Variants in ANXA2 observed in about 807,000 individuals in gnomAD.
ANXA2 encodes the protein annexin II.
In ANXA2, 28 loss-of-function variants were observed where a neutral mutation model predicts 47.3. The ratio of observed to expected loss-of-function variants is 0.59; its 90% CI spans 0.44 to 0.81. ANXA2 has a LOEUF of 0.81. Ranked by LOEUF, ANXA2 falls within the 40% of genes least tolerant of loss-of-function variation. ANXA2 has a pLI of 0.00. For missense variants in ANXA2, 384 were observed against 414.3 expected, an observed-to-expected ratio of 0.93 and a Z score of 0.64; for synonymous variants, 172 against 155.5, an observed-to-expected ratio of 1.11 and a Z score of -0.79.
chr15:60,382,548 C>T lies in ANXA2; in HGVS notation c.49-107G>A, dbSNP rs142107939. Reference sequence around the variant, plus strand: ...TATTGTTTCTTTTAACAATTCAGATCATTCTCATACTAGGTAACTAGGTAG... The same window carrying T: ...TATTGTTTCTTTTAACAATTCAGATTATTCTCATACTAGGTAACTAGGTAG... On this transcript the variant is annotated intron_variant, in intron 2 of 12. Transcript: ENST00000451270. The T allele has an allele frequency of 6.9e-4, 511 of 745,706 alleles. No individual in the cohort carries two copies. The African/African-American group carries it at 7.4e-3, about 11-fold the overall frequency. The allele number at this position is 745,706 out of a possible 1,614,324, so 46.2% of individuals were successfully genotyped here.
At chr15:60,382,047 G>C (rs1566946330) in intron 3 of ANXA2, among the ~76,000 whole-genome samples, 1 of 121,950 alleles carries the variant, frequency 8.2e-6, no homozygotes, top group Non-Finnish European at 1.8e-5. Flanking sequence ...AAGGAAAGAA[G>C]GGAGGGGAGG....
chr15:60,380,210 A>G (rs1356141303), intron 3 of ANXA2, among the ~76,000 whole-genome samples: 1 of 152,190 alleles, frequency 6.6e-6, no homozygotes, highest in Non-Finnish European at 1.5e-5. Flanking sequence ...TATGCCAGGC[A>G]TCGTGCTAAA....
chr15:60,380,202 T>C (rs1424341431), intron 3 of ANXA2, among the ~76,000 whole-genome samples: 5 of 152,180 alleles, frequency 3.3e-5, no homozygotes, highest in Admixed American at 6.5e-5. Flanking sequence ...ACCATCTATA[T>C]GCCAGGCATC....
intron 3 of ANXA2, among the ~76,000 whole-genome samples, chr15:60,368,316 AAAAAT>A (rs766502453): frequency 3.2e-4 from 36 of 114,002 alleles, no homozygotes; most frequent in South Asian, 1.2e-3. Context: ...AATAAAAAAA[AAAAAT>A]AAAATAAAAT....
At chr15:60,365,274 CAT>C (rs2140846448) in intron 3 of ANXA2, among the ~76,000 whole-genome samples, 1 of 152,108 alleles carries the variant, frequency 6.6e-6, no homozygotes, top group African/African-American at 2.4e-5. Context: ...TTAATTGGAA[CAT>C]GTGTATTTAC....
chr15:60,361,983 C>G (rs2062521751), intron 4 of ANXA2, among the ~76,000 whole-genome samples: 2 of 152,126 alleles, frequency 1.3e-5, no homozygotes, highest in South Asian at 4.2e-4. Flanking sequence ...AGCTTAGCCC[C>G]TACAGGTACT....
chr15:60,361,293 C>T (rs533493990), intron 4 of ANXA2, among the ~76,000 whole-genome samples: 31 of 152,236 alleles, frequency 2.0e-4, no homozygotes, highest in East Asian at 5.8e-4. Flanking sequence ...CCGTCTTCCC[C>T]GGTCAATAAA....
chr15:60,397,119 G>C (rs1369883550), intron 1 of ANXA2: 1 of 245,340 alleles, frequency 4.1e-6, no homozygotes, highest in Non-Finnish European at 6.5e-6. Context: ...CACACCAGCA[G>C]TGGGGCCAGC....
rs1194578648 is a variant in ANXA2 at position 60,382,070 on chromosome 15, GAGGA to G, written c.148+268_148+271del. ...AAGGGAGGGGAGGGAGGGAGGGAGG[GAGGA>G]AGGAAGGAAGAGCAGGAAGAAGGGA... On this transcript the variant is annotated intron_variant, in intron 3 of 12. Transcript: ENST00000451270. 7.2e-3 allele frequency among the ~76,000 whole-genome samples: 939 copies of G among 129,688 alleles called. 13 individuals carry two copies. Among genetic ancestry groups the G allele is most frequent in the African/African-American group, 0.024 (860 of 36,052 alleles). The allele number at this position is 129,688 out of a possible 152,430, so 85.1% of individuals were successfully genotyped here. A position where few individuals can be genotyped will look rare whatever the true frequency, so the allele number is the denominator to read the frequency against.
intron 8 of ANXA2, among the ~76,000 whole-genome samples, 188 bp downstream of exon 8, chr15:60,353,966 C>G (rs2062386087): frequency 1.3e-5 from 2 of 152,180 alleles, no homozygotes; most frequent in African/African-American, 4.8e-5. Flanking sequence ...AGAAAAGACC[C>G]TGAGCCAGAA....
chr15:60,356,886 T>C (rs1453355003), intron 6 of ANXA2, among the ~76,000 whole-genome samples: 1 of 152,228 alleles, frequency 6.6e-6, no homozygotes, highest in East Asian at 1.9e-4. Flanking sequence ...AAAACAAGTT[T>C]TGTTTTCTCT....
chr15:60,387,488 GA>G (rs1414889230), intron 1 of ANXA2, among the ~76,000 whole-genome samples: 2 of 152,352 alleles, frequency 1.3e-5, no homozygotes, highest in African/African-American at 4.8e-5. Flanking sequence ...ATCAAGCCAT[GA>G]AAAGACACAG....
intron 7 of ANXA2, among the ~76,000 whole-genome samples, 186 bp from the exon 8 acceptor site, chr15:60,354,399 T>C (rs2062393438): frequency 6.6e-6 from 1 of 152,042 alleles, no homozygotes; most frequent in African/African-American, 2.4e-5. Flanking sequence ...CCTAGGACTT[T>C]GGGAAGCCAA....
At chr15:60,375,014 G>A (rs79797189) in intron 3 of ANXA2, among the ~76,000 whole-genome samples, 1,540 of 152,258 alleles carry the variant, frequency 0.01, 20 homozygotes, top group African/African-American at 0.034. Flanking sequence ...GCCTCTTGGC[G>A]CCCTCAAGAG....
Position 60,386,258 on chromosome 15 carries a change from G to C in ANXA2, c.-11-172C>G, listed in dbSNP as rs1280567795. 1.0e-5 allele frequency: 6 copies of C among 595,696 alleles called. No homozygotes were observed. The Admixed American group carries it at 1.6e-4, about 16-fold the overall frequency. The allele number at this position is 595,696 out of a possible 1,614,324, so 36.9% of individuals were successfully genotyped here. On this transcript the variant is annotated intron_variant, in intron 1 of 12. Transcript: ENST00000451270. ...TTACGACTGTAAAAACTAAACCTCA[G>C]AGATGGTCTGCCTTGGGTTGGGATG...
chr15:60,397,977 A>G lies in ANXA2; in HGVS notation c.-46T>C, dbSNP rs940125968. On this transcript the variant is annotated 5_prime_UTR_variant, in exon 1 of 13. Coordinates refer to ENST00000451270, the MANE Select transcript of ANXA2 (RefSeq NM_004039.3). The stretch of plus-strand genomic sequence containing the variant: ...GCGCCGAGAGCTGAGAGCGTCCCCA[A>G]ATGCTGAGCAGAGCCGGCTGGCCTG... The G allele has an allele frequency of 2.4e-6, 3 of 1,234,834 alleles. No homozygotes were observed. The highest frequency in any genetic ancestry group is 3.2e-5 in the East Asian group (1 of 31,450). 76.5% of individuals were successfully genotyped at this position (1,234,834 alleles called of 1,614,324 possible).
At chr15:60,389,655 C>T (rs949825400) in intron 1 of ANXA2, among the ~76,000 whole-genome samples, 3 of 152,226 alleles carry the variant, frequency 2.0e-5, no homozygotes, top group East Asian at 1.9e-4. Flanking sequence ...CCAACTAAAT[C>T]TCCCCATTTA....
chr15:60,362,547 G>C (rs1566935830), intron 4 of ANXA2: 1 of 152,178 alleles, frequency 6.6e-6, no homozygotes, highest in Non-Finnish European at 1.5e-5. Context: ...CCGGGCCTAG[G>C]TTCTTCAAGC....
chr15:60,370,031 A>G (rs938681413), intron 3 of ANXA2, among the ~76,000 whole-genome samples: 2 of 152,172 alleles, frequency 1.3e-5, no homozygotes, highest in African/African-American at 4.8e-5. Flanking sequence ...ATTTAATCCA[A>G]TTATCGGAGA....
Sources: allele counts gnomAD v4.1 joint callset (sites outside exome capture counted in the v4.1 genomes callset), GRCh38; gene constraint gnomAD v4.1.1; transcripts MANE v1.5; gene names NCBI Gene and HGNC (gene_info 2026-07-23, HGNC 2026-07-21).